IL1RAPL1: variants seen among roughly 807,000 people sequenced by gnomAD.
The protein encoded by IL1RAPL1 is interleukin-1 receptor accessory protein-like 1.
Under a neutral mutation model 48.4 loss-of-function variants are expected in IL1RAPL1, and 3 were observed. The observed-to-expected ratio is 0.06, with a 90% CI of 0.03 to 0.16. The LOEUF is 0.16. Among genes scored for constraint, IL1RAPL1 ranks in the 10% least tolerant of loss-of-function variants. The probability of loss-of-function intolerance (pLI) is 1.00; values close to 1 mark genes in which losing one functional copy is unlikely to be tolerated. For missense variants in IL1RAPL1, 349 were observed against 530.6 expected (o/e 0.66, Z 3.36); for synonymous variants, 185 against 187.7 (o/e 0.99, Z 0.12).
intron 2 of IL1RAPL1, among the ~76,000 whole-genome samples, chrX:29,128,192 G>C (rs1928939625): frequency 9.1e-6 from 1 of 110,388 alleles, no homozygotes; most frequent in African/African-American, 3.3e-5. Context: ...CACCAAGGAG[G>C]GGCAAATGAG....
chrX:29,788,781 A>G (rs1426768642), intron 6 of IL1RAPL1, among the ~76,000 whole-genome samples: 2 of 111,999 alleles, frequency 1.8e-5, no homozygotes, highest in African/African-American at 6.5e-5. Flanking sequence ...TTTGTTAATC[A>G]ACCTCTACCT....
intron 5 of IL1RAPL1, among the ~76,000 whole-genome samples, chrX:29,522,381 G>A (rs1382619789): frequency 9.1e-6 from 1 of 110,367 alleles, no homozygotes; most frequent in Non-Finnish European, 1.9e-5. Context: ...GACTGGTCTC[G>A]AACTCCTGGG....
At chrX:29,052,792 C>G (rs1336160642) in intron 2 of IL1RAPL1, among the ~76,000 whole-genome samples, 1 of 111,647 alleles carries the variant, frequency 9.0e-6, no homozygotes, top group African/African-American at 3.3e-5. Context: ...CTGCCTCAGC[C>G]TCCTGAGTAG....
chrX:29,214,892 G>A (rs1364562924), intron 2 of IL1RAPL1, among the ~76,000 whole-genome samples: 1 of 111,989 alleles, frequency 8.9e-6, no homozygotes, highest in Non-Finnish European at 1.9e-5. Flanking sequence ...TCCATTAGCA[G>A]AATGGAGTAC....
At chrX:29,336,304 GGTGT>G (rs375590826) in intron 3 of IL1RAPL1, among the ~76,000 whole-genome samples, 5,931 of 70,646 alleles carry the variant, frequency 0.084, 352 homozygotes, top group Non-Finnish European at 0.11. Context: ...ACCGTTTTGG[GGTGT>G]GTGTGTGTGT....
At chrX:29,821,672 T>C (rs963472492) in intron 6 of IL1RAPL1, among the ~76,000 whole-genome samples, 1 of 110,090 alleles carries the variant, frequency 9.1e-6, no homozygotes, top group Non-Finnish European at 1.9e-5. Flanking sequence ...TAGAACTGTA[T>C]CTATTTAGAA....
At chrX:29,805,263 A>T (rs183188049) in intron 6 of IL1RAPL1, among the ~76,000 whole-genome samples, 138 of 112,043 alleles carry the variant, frequency 1.2e-3, no homozygotes, top group African/African-American at 4.2e-3. Context: ...CTATTTCTGT[A>T]ACATATCACT....
At chrX:28,668,569 TCTTA>T (rs1482168630) in intron 1 of IL1RAPL1, among the ~76,000 whole-genome samples, 1 of 113,641 alleles carries the variant, frequency 8.8e-6, no homozygotes, top group African/African-American at 3.2e-5. Flanking sequence ...AGAATTGTTT[TCTTA>T]CTTAGTTTTG....
intron 3 of IL1RAPL1, among the ~76,000 whole-genome samples, chrX:29,341,252 C>G (rs1486904658): frequency 8.9e-6 from 1 of 111,809 alleles, no homozygotes; most frequent in African/African-American, 3.2e-5. Context: ...GTCTGTAGCA[C>G]CTTTGTAGCC....
chrX:28,689,284 T>G (rs889557258), intron 1 of IL1RAPL1, among the ~76,000 whole-genome samples: 1 of 110,669 alleles, frequency 9.0e-6, no homozygotes, highest in African/African-American at 3.3e-5. Flanking sequence ...ATGGGGGTGG[T>G]TTCCCCCATG....
At chrX:29,313,768 C>A (rs957832748) in intron 3 of IL1RAPL1, among the ~76,000 whole-genome samples, 1 of 111,916 alleles carries the variant, frequency 8.9e-6, no homozygotes, top group African/African-American at 3.3e-5. Flanking sequence ...CTAATCTCCT[C>A]CCGCAACTCT....
chrX:29,142,145 A>T (rs1929256398), intron 2 of IL1RAPL1, among the ~76,000 whole-genome samples: 1 of 111,970 alleles, frequency 8.9e-6, no homozygotes, highest in African/African-American at 3.2e-5. Flanking sequence ...AAAATTGCTA[A>T]GGGAATTAAT....
At position 29,884,731 on chromosome X, in the gene IL1RAPL1, C is replaced by T. The variant is rs1045278226; in HGVS notation, c.779-32733C>T. On this transcript the variant is annotated intron_variant, in intron 6 of 10. Transcript: ENST00000378993. ...AAATCGAGTTCCTGATCTTTTCCTG[C>T]GGACCTGCACCACCCACAGCCTTCT... Among the ~76,000 whole-genome samples, 41 of 111,715 alleles carry T rather than the reference C, an allele frequency of 3.7e-4. 1 individual carries two copies. Among genetic ancestry groups the T allele is most frequent in the African/African-American group, 7.5e-4 (23 of 30,776 alleles).
At chrX:29,550,178 A>ATTCTTTTCTTTTCTT (rs201464853) in intron 5 of IL1RAPL1, among the ~76,000 whole-genome samples, 1 of 111,041 alleles carries the variant, frequency 9.0e-6, no homozygotes. Flanking sequence ...AATTTTAGAA[A>ATTCTTTTCTTTTCTT]TTCTTTTCTT....
At chrX:29,914,997 T>C (rs1259757213) in intron 6 of IL1RAPL1, among the ~76,000 whole-genome samples, 2 of 112,424 alleles carry the variant, frequency 1.8e-5, no homozygotes, top group Non-Finnish European at 3.8e-5. Context: ...CAGTGATGAC[T>C]ATCACATAAA....
In IL1RAPL1 at chrX:29,924,466, G is replaced by T. The variant is rs746152568; in HGVS notation, c.1057+4372G>T. Among the ~76,000 whole-genome samples the T allele has an allele frequency of 2.7e-5, 3 of 112,186 alleles. No homozygotes were observed. In the East Asian group the frequency reaches 8.4e-4, roughly 31 times the overall value. ...AACCTACTATGTGCCTGGCATTTGT[G>T]CTGGCCAAAGTTACAGGCATGAAAA... On this transcript the variant is annotated intron_variant, in intron 8 of 10. Transcript: ENST00000378993.
intron 2 of IL1RAPL1, among the ~76,000 whole-genome samples, chrX:29,272,844 C>G (rs1276832477): frequency 9.0e-6 from 1 of 111,728 alleles, no homozygotes; most frequent in Admixed American, 9.5e-5. Context: ...CTTCTTTATT[C>G]TTTTTTCTTT....
At chrX:29,480,291 C>CATATATATATAT (rs61703733) in intron 5 of IL1RAPL1, among the ~76,000 whole-genome samples, 1,951 of 76,403 alleles carry the variant, frequency 0.026, 61 homozygotes, top group African/African-American at 0.065. Flanking sequence ...CACACATATA[C>CATATATATATAT]ATATATATAT....
In IL1RAPL1 at chrX:29,399,146, T is replaced by G. The variant is rs1256886906; in HGVS notation, c.550-9T>G. The G allele has an allele frequency of 6.7e-6, 8 of 1,191,794 alleles. No homozygotes were observed. Among genetic ancestry groups the G allele is most frequent in the Non-Finnish European group, 9.1e-6 (8 of 877,353 alleles). ...TATGTACTACCAAAATTGTATGTTCTTCATATAGGAATGCAGGACAAAAAC... is the reference window on the plus strand; with the variant it reads ...TATGTACTACCAAAATTGTATGTTCGTCATATAGGAATGCAGGACAAAAAC... On this transcript the variant is annotated splice_polypyrimidine_tract_variant and intron_variant, in intron 4 of 10. Transcript: ENST00000378993.
Sources: allele counts gnomAD v4.1 joint callset (sites outside exome capture counted in the v4.1 genomes callset), GRCh38; gene constraint gnomAD v4.1.1; transcripts MANE v1.5; gene names NCBI Gene and HGNC (gene_info 2026-07-23, HGNC 2026-07-21).